The following KLHL26 variants were observed in gnomAD, a reference collection of about 807,000 sequenced individuals.
KLHL26 encodes kelch-like protein 26.
Under a neutral mutation model 7.1 loss-of-function variants are expected in KLHL26, and 4 were observed. The ratio of observed to expected loss-of-function variants is 0.56; its 90% CI spans 0.28 to 1.28. The LOEUF is 1.28. Ranked by LOEUF, KLHL26 falls within the 50% of genes most tolerant of loss-of-function variation. The pLI is 0.11. For synonymous variants in KLHL26, 465 were observed against 414.1 expected (o/e 1.12, Z -1.49); for missense variants, 896 against 924.6 (o/e 0.97, Z 0.40).
chr19:18,658,867 CCTGGGTCTCTGTCTCCCTCTCT>C (rs2052362669), intron 1 of KLHL26, among the ~76,000 whole-genome samples: 4 of 148,110 alleles, frequency 2.7e-5, no homozygotes, highest in South Asian at 2.2e-4. Context: ...TCCCTCTCTC[CCTGGGTCTCTGTCTCCCTCTCT>C]CTGGGTCTCT....
chr19:18,643,748 G>A (rs887164459), intron 1 of KLHL26, among the ~76,000 whole-genome samples: 9 of 151,996 alleles, frequency 5.9e-5, no homozygotes, highest in South Asian at 2.1e-4. Context: ...AAAGTGCTGC[G>A]ATTACAGGCA....
At position 18,669,443 on chromosome 19, in the gene KLHL26, G is replaced by C. The variant is rs977450484; in HGVS notation, c.*198G>C. 1 of 589,662 alleles carries C rather than the reference G, an allele frequency of 1.7e-6. No individual in the cohort carries two copies. Among genetic ancestry groups the C allele is most frequent in the African/African-American group, 1.9e-5 (1 of 53,634 alleles). The allele number at this position is 589,662 out of a possible 1,614,324, so 36.5% of individuals were successfully genotyped here. ...GCAGATCCTGGCTGCGAGTCCATCC[G>C]AGGGAGCCTGCCGGCAAAGCGTCTG... On this transcript the variant is annotated 3_prime_UTR_variant, in exon 3 of 3. Transcript: ENST00000300976.
intron 1 of KLHL26, among the ~76,000 whole-genome samples, chr19:18,644,958 T>C (rs1236495210): frequency 6.6e-6 from 1 of 152,140 alleles, no homozygotes; most frequent in African/African-American, 2.4e-5. Flanking sequence ...ATAACTTGTT[T>C]GTTCCAACTT....
chr19:18,654,650 C>T (rs907675666), intron 1 of KLHL26, among the ~76,000 whole-genome samples: 2 of 151,698 alleles, frequency 1.3e-5, no homozygotes, highest in African/African-American at 2.4e-5. Context: ...TACATCCACG[C>T]ACCCTTTCAT....
chr19:18,638,806 TC>T (rs1409332109), intron 1 of KLHL26, among the ~76,000 whole-genome samples: 1 of 152,026 alleles, frequency 6.6e-6, no homozygotes, highest in African/African-American at 2.4e-5. Flanking sequence ...ACTCAAGTGA[TC>T]CTCCCACCTC....
At chr19:18,663,487 T>G (rs1390389005) in intron 1 of KLHL26, among the ~76,000 whole-genome samples, 1 of 152,176 alleles carries the variant, frequency 6.6e-6, no homozygotes, top group African/African-American at 2.4e-5. Context: ...TCCCGCTTTC[T>G]TGGAAAGATC....
At position 18,671,567 on chromosome 19, in the gene KLHL26, A is replaced by G. The variant is rs876982; in HGVS notation, c.*2322A>G. The stretch of plus-strand genomic sequence containing the variant: ...GGGGGGCGCTGCTGTATCTAACCGG[A>G]TCGATTGTGCATAACCGTCTAGGCC... On this transcript the variant is annotated 3_prime_UTR_variant, in exon 3 of 3. Coordinates refer to ENST00000300976, the MANE Select transcript of KLHL26 (RefSeq NM_018316.3). The G allele has an allele frequency of 0.7, 106,862 of 152,190 alleles. 38,503 individuals carry two copies. The highest frequency in any genetic ancestry group is 0.88 in the African/African-American group (36,633 of 41,544). 9.4% of individuals were successfully genotyped at this position (152,190 alleles called of 1,614,324 possible).
intron 1 of KLHL26, among the ~76,000 whole-genome samples, chr19:18,644,984 G>A (rs546960346): frequency 2.4e-4 from 36 of 152,092 alleles, no homozygotes; most frequent in Non-Finnish European, 4.4e-4. Flanking sequence ...TTCTGCAACC[G>A]AGGGGGAAAA....
intron 1 of KLHL26, among the ~76,000 whole-genome samples, chr19:18,641,869 T>C (rs910769223): frequency 3.3e-5 from 5 of 152,084 alleles, no homozygotes; most frequent in African/African-American, 1.2e-4. Flanking sequence ...CCTTGTGATC[T>C]GCCCGCCTCA....
chr19:18,667,266 A>G (rs926687620), intron 2 of KLHL26: 12 of 278,784 alleles, frequency 4.3e-5, no homozygotes, highest in Non-Finnish European at 7.0e-5. Context: ...AACTCCTGAC[A>G]TCAGGTGATC....
rs574075416 is a variant in KLHL26 at position 18,655,608 on chromosome 19, C to A, written c.84-8653C>A. Among the ~76,000 whole-genome samples, 19 of 150,360 alleles carry A rather than the reference C, an allele frequency of 1.3e-4. No individual in the cohort carries two copies. In the South Asian group the frequency reaches 2.3e-3, roughly 18 times the overall value. ...GAGCCAAGACTGCACAGACTGGGTG[C>A]TCCCTCGGTCCGTGAAGACTGTTCT... On this transcript the variant is annotated intron_variant, in intron 1 of 2. Transcript: ENST00000300976.
At chr19:18,645,469 A>C (rs940398514) in intron 1 of KLHL26, among the ~76,000 whole-genome samples, 1 of 151,634 alleles carries the variant, frequency 6.6e-6, no homozygotes, top group African/African-American at 2.4e-5. Flanking sequence ...CCTGGGGGTG[A>C]GGTGGGGGGA....
chr19:18,662,020 C>T (rs1294158333), intron 1 of KLHL26, among the ~76,000 whole-genome samples: 1 of 152,204 alleles, frequency 6.6e-6, no homozygotes, highest in Non-Finnish European at 1.5e-5. Context: ...GCTGGGAACA[C>T]AGGCTCATGC....
intron 1 of KLHL26, among the ~76,000 whole-genome samples, chr19:18,658,134 C>T (rs1348551510): frequency 1.3e-5 from 2 of 152,104 alleles, no homozygotes. Flanking sequence ...GGAGCAGGGG[C>T]ACGCTGGGCC....
chr19:18,643,513 T>G (rs980870866), intron 1 of KLHL26, among the ~76,000 whole-genome samples: 36 of 152,028 alleles, frequency 2.4e-4, no homozygotes, highest in African/African-American at 6.5e-4. Flanking sequence ...AGTTTTGCTC[T>G]TGTTGTCCAG....
chr19:18,655,663 A>G (rs969649111), intron 1 of KLHL26, among the ~76,000 whole-genome samples: 2 of 124,852 alleles, frequency 1.6e-5, no homozygotes, highest in Non-Finnish European at 3.6e-5. Context: ...TGTCATCTGG[A>G]CATGGAGAGC....
At chr19:18,647,445 C>T (rs889362) in intron 1 of KLHL26, among the ~76,000 whole-genome samples, 56,162 of 151,840 alleles carry the variant, frequency 0.37, 10,863 homozygotes, top group East Asian at 0.49. Context: ...TTGGTTTTTT[C>T]CTTTTTCTGA....
chr19:18,659,570 C>T (rs1270358558), intron 1 of KLHL26: 2 of 152,344 alleles, frequency 1.3e-5, no homozygotes, highest in African/African-American at 2.4e-5. Context: ...CTGGCCCGAG[C>T]GCTGGGCTCC....
In KLHL26 at chr19:18,668,350, C is replaced by T; in HGVS notation, c.953C>T (p.Pro318Leu). Reference sequence around the variant, plus strand: ...TCGCTCGTCACCTTCGGCGGCACGCCCTACACCGACAGCGACCGCTCGGTC... The same window carrying T: ...TCGCTCGTCACCTTCGGCGGCACGCTCTACACCGACAGCGACCGCTCGGTC... ...VPSLVTFGGT[P>L]YTDSDRSVSS... Residue 318 changes from proline to leucine, a missense_variant, in exon 3 of 3, where the codon CCC (proline) becomes CTC (leucine). Coordinates refer to ENST00000300976, the MANE Select transcript of KLHL26 (RefSeq NM_018316.3). The T allele has an allele frequency of 3.1e-6, 5 of 1,608,188 alleles. No homozygotes were observed. Among genetic ancestry groups the T allele is most frequent in the Non-Finnish European group, 4.2e-6 (5 of 1,178,912 alleles).
Sources: allele counts gnomAD v4.1 joint callset (sites outside exome capture counted in the v4.1 genomes callset), GRCh38; gene constraint gnomAD v4.1.1; transcripts MANE v1.5; gene names NCBI Gene and HGNC (gene_info 2026-07-23, HGNC 2026-07-21).